The following MINDY2 variants were observed in gnomAD, a reference collection of about 807,000 sequenced individuals.
The protein encoded by MINDY2 is MINDY lysine 48 deubiquitinase 2.
In MINDY2, 52 loss-of-function variants were observed where a neutral mutation model predicts 68.2. The ratio of observed to expected loss-of-function variants is 0.76; its 90% confidence interval spans 0.61 to 0.96. MINDY2 has a LOEUF of 0.96. Among genes scored for constraint, MINDY2 ranks in the 40% least tolerant of loss-of-function variants. The probability of loss-of-function intolerance (pLI) is 0.00; values close to 1 mark genes in which losing one functional copy is unlikely to be tolerated. For synonymous variants in MINDY2, 372 were observed against 303.0 expected (o/e 1.23, Z -2.36); for missense variants, 881 against 773.4 (o/e 1.14, Z -1.65).
chr15:58,844,409 G>A (rs1057355954), intron 6 of MINDY2, among the ~76,000 whole-genome samples: 5 of 151,802 alleles, frequency 3.3e-5, no homozygotes, highest in Non-Finnish European at 5.9e-5. Context: ...AAAATTAGCC[G>A]GGCATGGTGG....
chr15:58,775,900 T>G (rs1361409392), intron 1 of MINDY2, among the ~76,000 whole-genome samples: 3 of 150,684 alleles, frequency 2.0e-5, no homozygotes, highest in African/African-American at 7.3e-5. Flanking sequence ...TCACTCTGTC[T>G]TGCCCAGGCT....
chr15:58,848,426 A>G (rs1009646603), intron 7 of MINDY2, among the ~76,000 whole-genome samples: 6 of 152,200 alleles, frequency 3.9e-5, no homozygotes, highest in African/African-American at 1.4e-4. Flanking sequence ...GGCAATTTGA[A>G]GAGCAGTTAT....
At chr15:58,782,909 C>G (rs1273116945) in intron 1 of MINDY2, among the ~76,000 whole-genome samples, 1 of 65,986 alleles carries the variant, frequency 1.5e-5, no homozygotes, top group African/African-American at 4.5e-5. Flanking sequence ...TTTTTTCTCT[C>G]TGTTTTTTTT....
intron 5 of MINDY2, 46 bp downstream of exon 5, chr15:58,821,865 A>C: frequency 3.0e-6 from 4 of 1,316,352 alleles, no homozygotes; most frequent in Non-Finnish European, 4.2e-6. Flanking sequence ...TCTTGGCAAG[A>C]TAATTTTTCT....
intron 8 of MINDY2, among the ~76,000 whole-genome samples, chr15:58,853,819 TAA>T (rs10563818): frequency 0.017 from 1,782 of 102,278 alleles, 16 homozygotes; most frequent in Non-Finnish European, 0.022. Context: ...TCCATCTCAA[TAA>T]AAAAAAAAAA....
chr15:58,806,633 A>G (rs1183752102), intron 3 of MINDY2, among the ~76,000 whole-genome samples: 2 of 152,178 alleles, frequency 1.3e-5, no homozygotes, highest in African/African-American at 4.8e-5. Context: ...AGGTATAAGC[A>G]TGAGCCCAGA....
chr15:58,839,085 G>GT (rs1161783866), intron 6 of MINDY2, among the ~76,000 whole-genome samples: 2 of 151,698 alleles, frequency 1.3e-5, no homozygotes, highest in Admixed American at 6.6e-5. Flanking sequence ...TATATGAAAA[G>GT]TTTTTTTAAA....
At chr15:58,825,307 T>C (rs1356650781) in intron 5 of MINDY2, among the ~76,000 whole-genome samples, 1 of 152,238 alleles carries the variant, frequency 6.6e-6, no homozygotes, top group Non-Finnish European at 1.5e-5. Context: ...TAATGCCTTA[T>C]AAGTAAAGGT....
At chr15:58,805,513 A>G (rs1454962309) in intron 3 of MINDY2, among the ~76,000 whole-genome samples, 1 of 152,218 alleles carries the variant, frequency 6.6e-6, no homozygotes, top group Non-Finnish European at 1.5e-5. Context: ...GTGCAAATAT[A>G]TTCTTAAAAT....
In MINDY2 at chr15:58,784,945, T is replaced by C. The variant is rs573734309; in HGVS notation, c.841-2961T>C. On this transcript the variant is annotated intron_variant, in intron 1 of 8. Transcript: ENST00000559228. ...CCACCGTACCCAGCCTGTTATTTTT[T>C]TCATTGTAAAGCTTAAAATTTAGAA... Among the ~76,000 whole-genome samples the C allele has an allele frequency of 2.0e-3, 302 of 152,062 alleles. 3 individuals are homozygous for C. The highest frequency in any genetic ancestry group is 7.0e-3 in the African/African-American group (290 of 41,496).
At chr15:58,801,958 C>T (rs1902694845) in intron 2 of MINDY2, among the ~76,000 whole-genome samples, 1 of 152,144 alleles carries the variant, frequency 6.6e-6, no homozygotes, top group Non-Finnish European at 1.5e-5. Flanking sequence ...GTGTTGCAGA[C>T]ATTTAGAAGA....
At chr15:58,833,258 G>C (rs1256543145) in intron 6 of MINDY2, among the ~76,000 whole-genome samples, 1 of 152,150 alleles carries the variant, frequency 6.6e-6, no homozygotes, top group Non-Finnish European at 1.5e-5. Context: ...CTTTACTTCA[G>C]CCAAAATGGT....
Position 58,821,834 on chromosome 15 carries a change from C to G in MINDY2, c.1225+15C>G, listed in dbSNP as rs750762084. On this transcript the variant is annotated intron_variant, in intron 5 of 8. Transcript: ENST00000559228. ...GGTTAGTGAAGGTGGGTGAGTGCTGCTATTTCCTGACTTTTGAAATTCTTG... is the reference window on the plus strand; with the variant it reads ...GGTTAGTGAAGGTGGGTGAGTGCTGGTATTTCCTGACTTTTGAAATTCTTG... 2 of 1,519,272 alleles carry G rather than the reference C, an allele frequency of 1.3e-6. No individual in the cohort carries two copies. The highest frequency in any genetic ancestry group is 1.8e-6 in the Non-Finnish European group (2 of 1,119,668). The allele number at this position is 1,519,272 out of a possible 1,614,324, so 94.1% of individuals were successfully genotyped here.
intron 2 of MINDY2, among the ~76,000 whole-genome samples, chr15:58,791,953 A>T (rs1901970334): frequency 6.6e-6 from 1 of 152,124 alleles, no homozygotes; most frequent in Non-Finnish European, 1.5e-5. Context: ...TAGAAGAAAA[A>T]TAGGAGGCTG....
intron 2 of MINDY2, among the ~76,000 whole-genome samples, chr15:58,794,218 G>A (rs1332172586): frequency 6.6e-6 from 1 of 152,076 alleles, no homozygotes; most frequent in Admixed American, 6.6e-5. Context: ...TGATGTAAGT[G>A]TGTTGAAGGA....
intron 6 of MINDY2, among the ~76,000 whole-genome samples, chr15:58,844,919 T>TAAA (rs35379834): frequency 4.4e-5 from 3 of 67,838 alleles, no homozygotes; most frequent in East Asian, 8.2e-4. Context: ...AGACCCTGCC[T>TAAA]AAAAAAAAAA....
chr15:58,835,622 C>T (rs1025281240), intron 6 of MINDY2, among the ~76,000 whole-genome samples: 2 of 152,072 alleles, frequency 1.3e-5, no homozygotes, highest in African/African-American at 4.8e-5. Context: ...CATTGCACTC[C>T]AGCCTAAGCG....
intron 1 of MINDY2, among the ~76,000 whole-genome samples, chr15:58,776,634 C>G (rs566218418): frequency 2.0e-5 from 3 of 152,186 alleles, no homozygotes; most frequent in Admixed American, 2.0e-4. Flanking sequence ...ACATGGAATC[C>G]TCAGTTCTCT....
chr15:58,800,403 A>T (rs1455367335), intron 2 of MINDY2, among the ~76,000 whole-genome samples: 2 of 151,962 alleles, frequency 1.3e-5, no homozygotes, highest in Non-Finnish European at 2.9e-5. Flanking sequence ...TAAAAGTATA[A>T]AGATCCCTGT....
Sources: allele counts gnomAD v4.1 joint callset (sites outside exome capture counted in the v4.1 genomes callset), GRCh38; gene constraint gnomAD v4.1.1; transcripts MANE v1.5; gene names NCBI Gene and HGNC (gene_info 2026-07-23, HGNC 2026-07-21).